The following RIPOR3 variants were observed in gnomAD, a reference collection of about 807,000 sequenced individuals.
RIPOR3 encodes family with sequence similarity 65 member C.
In RIPOR3, 95 loss-of-function variants were observed where a neutral mutation model predicts 114.3. That is an observed-to-expected ratio of 0.83 (90% CI 0.70 to 0.99). RIPOR3 has a LOEUF of 0.99. Ranked by LOEUF, RIPOR3 falls within the 50% of genes least tolerant of loss-of-function variation. RIPOR3 has a pLI of 0.00. For missense variants in RIPOR3, 1,252 were observed against 1,266.9 expected, an observed-to-expected ratio of 0.99 and a Z score of 0.18; for synonymous variants, 575 against 543.8, an observed-to-expected ratio of 1.06 and a Z score of -0.80.
intron 1 of RIPOR3, among the ~76,000 whole-genome samples, chr20:50,646,689 T>C (rs775148076): frequency 5.3e-5 from 8 of 152,206 alleles, no homozygotes; most frequent in Non-Finnish European, 1.0e-4. Flanking sequence ...AGTCACTAGA[T>C]TCTCAAGCAT....
intron 13 of RIPOR3, among the ~76,000 whole-genome samples, chr20:50,600,232 T>A (rs775262104): frequency 1.3e-5 from 2 of 152,330 alleles, no homozygotes; most frequent in East Asian, 3.9e-4. Context: ...CATAAATGTG[T>A]GTGTGTGTAA....
intron 1 of RIPOR3, among the ~76,000 whole-genome samples, chr20:50,674,330 T>G (rs2086620731): frequency 1.3e-5 from 2 of 152,030 alleles, no homozygotes; most frequent in Non-Finnish European, 2.9e-5. Context: ...AGCTCACCTC[T>G]CTGGCCCTCA....
At chr20:50,624,217 G>A (rs576520496) in intron 2 of RIPOR3, among the ~76,000 whole-genome samples, 2 of 152,294 alleles carry the variant, frequency 1.3e-5, no homozygotes, top group Non-Finnish European at 2.9e-5. Context: ...CCTCCCTGAG[G>A]CCCCATCACC....
Position 50,602,358 on chromosome 20 carries a change from T to C in RIPOR3, c.1373A>G (p.Glu458Gly). The C allele has an allele frequency of 6.2e-7, 1 of 1,613,654 alleles. No individual in the cohort carries two copies. The highest frequency in any genetic ancestry group is 8.5e-7 in the Non-Finnish European group (1 of 1,179,914). ...EDPLPPGLLP[E>G]MAHLSGGPFA... ...CGGGCCTCCAGAGAGGTGGGCCATC[T>C]CTGGCAGGAGACCTGGGGGCAGGGG... is the stretch of plus-strand genomic sequence containing the variant. The change falls in exon 13 of 22, where the codon GAG (glutamate) becomes GGG (glycine). Residue 458 changes from glutamate (E) to glycine (G), a missense_variant. By Grantham distance (98) the Glu-to-Gly change is moderately conservative (BLOSUM62 -2). Transcript: ENST00000327979. This position sits in a 1 kb window ranked among gnomAD's most constrained non-coding sequence, Gnocchi z 4.3.
intron 1 of RIPOR3, among the ~76,000 whole-genome samples, chr20:50,683,340 A>G (rs2086918973): frequency 6.6e-6 from 1 of 152,206 alleles, no homozygotes; most frequent in Non-Finnish European, 1.5e-5. Context: ...GGCATTTATC[A>G]TTTTATAAAT....
At chr20:50,675,213 G>A (rs1366838638) in intron 1 of RIPOR3, among the ~76,000 whole-genome samples, 5 of 152,224 alleles carry the variant, frequency 3.3e-5, no homozygotes, top group Non-Finnish European at 1.5e-5. Flanking sequence ...CAGAGGGAAA[G>A]TGGCCCTGCT....
At chr20:50,621,117 TGA>T (rs1334025749) in intron 2 of RIPOR3, 2 of 119,112 alleles carry the variant, frequency 1.7e-5, no homozygotes, top group Admixed American at 1.5e-4. Flanking sequence ...TAGAACAGCT[TGA>T]CAAAAAAAAA....
intron 19 of RIPOR3, among the ~76,000 whole-genome samples, chr20:50,590,584 G>A (rs1275366929): frequency 1.3e-5 from 2 of 152,212 alleles, no homozygotes; most frequent in Admixed American, 6.5e-5. Context: ...GACAGACTGG[G>A]AGTAGGATCG....
At position 50,593,097 on chromosome 20, in the gene RIPOR3, C is replaced by T. The variant is rs759563805; in HGVS notation, c.2312G>A (p.Ser771Asn). 6.2e-6 allele frequency: 10 copies of T among 1,614,034 alleles called. No individual in the cohort carries two copies. The highest frequency in any genetic ancestry group is 7.6e-6 in the Non-Finnish European group (9 of 1,180,058). The change falls in exon 18 of 22, where the codon AGC becomes AAC. Residue 771 changes from serine (S) to asparagine (N), a missense_variant. Coordinates refer to ENST00000327979, the MANE Select transcript of RIPOR3 (RefSeq NM_001290268.2). Reference sequence around the variant, plus strand: ...AGAGACGCTCTGCCTCTGCAGGTAGCTGTGAAACTGGAACCAGGTAATGAT... The same window carrying T: ...AGAGACGCTCTGCCTCTGCAGGTAGTTGTGAAACTGGAACCAGGTAATGAT... Reference protein sequence around the residue: ...EQIITWFQFHSYLQRQSVSDL... With the variant: ...EQIITWFQFHNYLQRQSVSDL...
At chr20:50,654,197 T>G (rs115614131) in intron 1 of RIPOR3, among the ~76,000 whole-genome samples, 2,743 of 152,042 alleles carry the variant, frequency 0.018, 95 homozygotes, top group African/African-American at 0.063. Context: ...ATGAAATTTC[T>G]CTCTTGTCTC....
chr20:50,671,428 G>GCACACACA (rs1160861232), intron 1 of RIPOR3, among the ~76,000 whole-genome samples: 23 of 38,156 alleles, frequency 6.0e-4, no homozygotes, highest in South Asian at 3.5e-3. Flanking sequence ...ACGCGCGCGC[G>GCACACACA]CACACACACA....
At chr20:50,670,750 G>T (rs1180252399) in intron 1 of RIPOR3, among the ~76,000 whole-genome samples, 1 of 152,108 alleles carries the variant, frequency 6.6e-6, no homozygotes, top group Non-Finnish European at 1.5e-5. Flanking sequence ...CAGGTGGCTG[G>T]TCTCTGGGAC....
At chr20:50,682,973 C>T (rs997807046) in intron 1 of RIPOR3, among the ~76,000 whole-genome samples, 6 of 152,106 alleles carry the variant, frequency 3.9e-5, no homozygotes, top group African/African-American at 1.4e-4. Context: ...GTGATCTGCC[C>T]GCCTTGGCCT....
chr20:50,683,044 A>G (rs2086909676), intron 1 of RIPOR3, among the ~76,000 whole-genome samples: 1 of 152,192 alleles, frequency 6.6e-6, no homozygotes, highest in African/African-American at 2.4e-5. Flanking sequence ...TATTTTTTTA[A>G]GCAAGGGAAA....
chr20:50,594,744 G>C (rs867555436), intron 16 of RIPOR3, 30 bp from the exon 17 acceptor site: 1 of 1,594,724 alleles, frequency 6.3e-7, no homozygotes, highest in Middle Eastern at 1.7e-4. Context: ...AACCTGAATG[G>C]TGACTCGGGG....
intron 2 of RIPOR3, among the ~76,000 whole-genome samples, chr20:50,627,136 T>G (rs2084647888): frequency 6.6e-6 from 1 of 151,454 alleles, no homozygotes; most frequent in African/African-American, 2.4e-5. Flanking sequence ...GAGCCTAAAT[T>G]GCACCACTGC....
chr20:50,686,143 G>A (rs927377884), intron 1 of RIPOR3, among the ~76,000 whole-genome samples: 77 of 152,010 alleles, frequency 5.1e-4, no homozygotes, highest in African/African-American at 1.7e-3. Context: ...TGCAAGCTCC[G>A]CCTCCCGGGT....
intron 4 of RIPOR3, among the ~76,000 whole-genome samples, chr20:50,613,652 G>A (rs1209820234): frequency 2.0e-5 from 3 of 152,154 alleles, no homozygotes; most frequent in African/African-American, 7.2e-5. Flanking sequence ...CCTGGCCTCA[G>A]TGTGCCCATC....
intron 6 of RIPOR3, among the ~76,000 whole-genome samples, chr20:50,610,066 CCCTGCCTCA>C (rs1199235424): frequency 3.7e-5 from 5 of 135,374 alleles, no homozygotes; most frequent in Non-Finnish European, 6.4e-5. Flanking sequence ...CCCCTGCCAC[CCCTGCCTCA>C]CCTGCCACCC....
Sources: allele counts gnomAD v4.1 joint callset (sites outside exome capture counted in the v4.1 genomes callset), GRCh38; gene constraint gnomAD v4.1.1; non-coding constraint Gnocchi (gnomAD v3.1); transcripts MANE v1.5; gene names NCBI Gene and HGNC (gene_info 2026-07-23, HGNC 2026-07-21).